PLAC1: variants seen among roughly 807,000 people sequenced by gnomAD.
PLAC1 encodes the protein placenta-specific protein 1.
For synonymous variants in PLAC1, 68 were observed against 62.1 expected (o/e 1.09, Z -0.44); for missense variants, 136 against 163.2 (o/e 0.83, Z 0.91).
rs188290994 is a variant in PLAC1 at position 134,759,300 on chromosome X, G to A, written n.89+4934C>T. On this transcript the variant is annotated intron_variant and non_coding_transcript_variant, in intron 1 of 2. Transcript: ENST00000466797. ...TGAGTAGCTGGGACTACAGGTGTGC[G>A]CCACCATGCCTGGCTAATTTTTGTA... Among the ~76,000 whole-genome samples, 9 of 110,630 alleles carry A rather than the reference G, an allele frequency of 8.1e-5. No individual in the cohort carries two copies. In the East Asian group the frequency reaches 2.5e-3, roughly 31 times the overall value.
intron 2 of PLAC1, among the ~76,000 whole-genome samples, chrX:134,579,714 G>C (rs1271764538): frequency 9.0e-6 from 1 of 111,353 alleles, no homozygotes; most frequent in Admixed American, 9.6e-5. Context: ...AGTTGGAGAG[G>C]GGAGACCCAG....
At chrX:134,606,484 T>C (rs1454412045) in intron 1 of PLAC1, among the ~76,000 whole-genome samples, 1 of 111,168 alleles carries the variant, frequency 9.0e-6, no homozygotes, top group Admixed American at 9.6e-5. Context: ...TGAGATACCA[T>C]CTTACACCAG....
intron 2 of PLAC1, among the ~76,000 whole-genome samples, chrX:134,592,178 G>A (rs1249321991): frequency 1.8e-5 from 2 of 112,082 alleles, no homozygotes; most frequent in African/African-American, 6.5e-5. Flanking sequence ...CATGGATTGT[G>A]CTTTTGATCA....
chrX:134,751,322 C>T (rs2078744647), intron 1 of PLAC1, among the ~76,000 whole-genome samples: 1 of 108,980 alleles, frequency 9.2e-6, no homozygotes, highest in Non-Finnish European at 1.9e-5. Context: ...CACCAGGGAC[C>T]TCTGATTTAT....
At chrX:134,635,141 G>A (rs2078277679) in intron 1 of PLAC1, among the ~76,000 whole-genome samples, 1 of 111,432 alleles carries the variant, frequency 9.0e-6, no homozygotes, top group Admixed American at 9.5e-5. Context: ...TTATAAGCAA[G>A]TATTTTTTAC....
At position 134,566,245 on chromosome X, in the gene PLAC1, G is replaced by A. The variant is rs746918258; in HGVS notation, c.438C>T (p.Cys146=). 5.8e-6 allele frequency: 7 copies of A among 1,209,884 alleles called. No individual in the cohort carries two copies. The Admixed American group carries it at 1.5e-4, about 26-fold the overall frequency. The change falls in exon 3 of 3, where the codon TGC becomes TGT. Residue 146 remains cysteine, a synonymous_variant. Coordinates refer to ENST00000359237, the MANE Select transcript of PLAC1 (RefSeq NM_021796.4). ...ACTGTGACAAGCTGAACACCTCGTA[G>A]CATTTCTCATCCTTCTGGGCTGTGG... ...SRATAQKDEK[C]YEVFSLSQSS... is the part of the protein sequence containing the mutation.
chrX:134,739,715 A>G (rs1186598094), intron 1 of PLAC1, among the ~76,000 whole-genome samples: 4 of 112,873 alleles, frequency 3.5e-5, no homozygotes, highest in Non-Finnish European at 5.6e-5. Flanking sequence ...CAGGAGAAAT[A>G]CTGTTTTTTG....
chrX:134,753,330 C>T (rs1481838797), intron 1 of PLAC1, among the ~76,000 whole-genome samples: 2 of 111,226 alleles, frequency 1.8e-5, no homozygotes, highest in East Asian at 5.7e-4. Flanking sequence ...TTTCATGTCA[C>T]GAAGTTGCAT....
At chrX:134,604,962 C>G (rs2078115538) in intron 1 of PLAC1, among the ~76,000 whole-genome samples, 1 of 111,561 alleles carries the variant, frequency 9.0e-6, no homozygotes, top group Admixed American at 9.5e-5. Context: ...ATAGTCAGAG[C>G]AGGCATTTTC....
chrX:134,658,965 A>G (rs1226322109), upstream of PLAC1, among the ~76,000 whole-genome samples: 1 of 111,659 alleles, frequency 9.0e-6, no homozygotes, highest in Admixed American at 9.5e-5. Flanking sequence ...CCACTGCCAA[A>G]TGAGAGGTAA....
chrX:134,712,250 C>T (rs1804479466), intron 2 of PLAC1, among the ~76,000 whole-genome samples: 1 of 111,195 alleles, frequency 9.0e-6, no homozygotes, highest in South Asian at 3.8e-4. Flanking sequence ...CTTCTCTGTA[C>T]CCCAACAGCT....
At chrX:134,628,438 C>T (rs2078246048) in intron 1 of PLAC1, among the ~76,000 whole-genome samples, 2 of 112,133 alleles carry the variant, frequency 1.8e-5, no homozygotes, top group Admixed American at 1.9e-4. Flanking sequence ...CCTTCATCTT[C>T]CCCAACTATT....
chrX:134,697,177 C>A (rs2078567409), intron 2 of PLAC1, among the ~76,000 whole-genome samples: 1 of 111,473 alleles, frequency 9.0e-6, no homozygotes, highest in Non-Finnish European at 1.9e-5. Context: ...GACAACATAT[C>A]TCCCTGTTAT....
intron 1 of PLAC1, among the ~76,000 whole-genome samples, chrX:134,744,803 G>T (rs1017469101): frequency 4.5e-5 from 5 of 111,478 alleles, no homozygotes; most frequent in Non-Finnish European, 9.4e-5. Flanking sequence ...TACCAGCCTG[G>T]GTTCCTAGGT....
At chrX:134,596,438 C>G (rs1193307305) in intron 2 of PLAC1, among the ~76,000 whole-genome samples, 1 of 107,537 alleles carries the variant, frequency 9.3e-6, no homozygotes, top group African/African-American at 3.7e-5. Context: ...GTCTTGATTC[C>G]CACTTCATTC....
At chrX:134,570,230 C>A (rs1337887650) in intron 2 of PLAC1, among the ~76,000 whole-genome samples, 1 of 111,092 alleles carries the variant, frequency 9.0e-6, no homozygotes, top group African/African-American at 3.3e-5. Flanking sequence ...GAATGGGATC[C>A]CGAACAAGGG....
chrX:134,733,230 T>G (rs2078693991), intron 2 of PLAC1, among the ~76,000 whole-genome samples: 1 of 109,052 alleles, frequency 9.2e-6, no homozygotes, highest in African/African-American at 3.3e-5. Flanking sequence ...TCTCACAGAG[T>G]CTTAGTTCAC....
At chrX:134,761,430 A>G in intron 1 of PLAC1, among the ~76,000 whole-genome samples, 1 of 112,268 alleles carries the variant, frequency 8.9e-6, no homozygotes, top group Non-Finnish European at 1.9e-5. Context: ...ATCCCTGGCC[A>G]GGGTTCGGGA....
intron 2 of PLAC1, among the ~76,000 whole-genome samples, chrX:134,570,133 C>T (rs5975462): frequency 0.062 from 6,951 of 111,690 alleles, 551 homozygotes; most frequent in African/African-American, 0.21. Context: ...CCACCACGTC[C>T]GGCAGGGGGG....
Sources: allele counts gnomAD v4.1 joint callset (sites outside exome capture counted in the v4.1 genomes callset), GRCh38; gene constraint gnomAD v4.1.1; transcripts MANE v1.5; gene names NCBI Gene and HGNC (gene_info 2026-07-23, HGNC 2026-07-21).